Variants in NLGN1 observed in about 807,000 individuals in gnomAD.
NLGN1 encodes the protein neuroligin 1.
NLGN1 carries 12 observed loss-of-function variants against 65.5 expected under a neutral mutation model. The observed-to-expected ratio is 0.18, with a 90% CI of 0.12 to 0.30. The LOEUF (loss-of-function observed/expected upper bound fraction) is 0.30, where lower values mean the gene tolerates loss of function less well. NLGN1 is among the 10% of genes least tolerant of loss of function. The probability of loss-of-function intolerance (pLI) is 1.00; values close to 1 mark genes in which losing one functional copy is unlikely to be tolerated. For missense variants in NLGN1, 750 were observed against 1,007.1 expected (o/e 0.74, Z 3.46); for synonymous variants, 350 against 359.5 (o/e 0.97, Z 0.30).
At chr3:173,822,387 A>G (rs1720496902) in intron 4 of NLGN1, among the ~76,000 whole-genome samples, 1 of 152,130 alleles carries the variant, frequency 6.6e-6, no homozygotes, top group South Asian at 2.1e-4. Flanking sequence ...GTATGTGGGT[A>G]TTCCATAGGT....
intron 2 of NLGN1, among the ~76,000 whole-genome samples, chr3:173,526,212 A>C (rs1735615426): frequency 6.6e-6 from 1 of 151,998 alleles, no homozygotes; most frequent in Non-Finnish European, 1.5e-5. Flanking sequence ...CTGTTTTCTT[A>C]GGTCTAGTAG....
At chr3:173,414,163 A>G (rs1002864786) in intron 1 of NLGN1, among the ~76,000 whole-genome samples, 1 of 152,194 alleles carries the variant, frequency 6.6e-6, no homozygotes, top group African/African-American at 2.4e-5. Flanking sequence ...TCATCCTCAC[A>G]TCTTGTTATT....
chr3:173,419,414 G>C (rs1714548942), intron 1 of NLGN1, among the ~76,000 whole-genome samples: 2 of 152,008 alleles, frequency 1.3e-5, no homozygotes, highest in African/African-American at 4.8e-5. Context: ...CAGCTAGCAT[G>C]TCTCTGGTTG....
intron 4 of NLGN1, among the ~76,000 whole-genome samples, chr3:174,009,385 C>A (rs1725063963): frequency 6.6e-6 from 1 of 152,148 alleles, no homozygotes; most frequent in African/African-American, 2.4e-5. Context: ...AAATATCTAA[C>A]AGCAATTGAG....
intron 4 of NLGN1, among the ~76,000 whole-genome samples, chr3:173,839,431 T>TG (rs1724336660): frequency 1.5e-5 from 2 of 131,978 alleles, no homozygotes; most frequent in African/African-American, 6.6e-5. Context: ...TGTTTTTTTG[T>TG]TTTTTTTTTT....
intron 4 of NLGN1, among the ~76,000 whole-genome samples, chr3:174,206,206 G>A (rs2152782506): frequency 6.6e-6 from 1 of 152,266 alleles, no homozygotes; most frequent in East Asian, 1.9e-4. Flanking sequence ...AATAATCACA[G>A]ATAATCTTCT....
chr3:173,956,718 A>G (rs1173713366), intron 4 of NLGN1, among the ~76,000 whole-genome samples: 4 of 152,156 alleles, frequency 2.6e-5, no homozygotes, highest in Admixed American at 6.6e-5. Context: ...AAGAGTTGTC[A>G]GTGTAAACGT....
chr3:174,092,021 T>C (rs115646893), intron 4 of NLGN1, among the ~76,000 whole-genome samples: 3,246 of 152,284 alleles, frequency 0.021, 50 homozygotes, highest in Non-Finnish European at 0.028. Flanking sequence ...CATATAAAGA[T>C]AAATATGTCC....
chr3:173,666,296 C>T (rs193108394), intron 3 of NLGN1, among the ~76,000 whole-genome samples: 130 of 152,182 alleles, frequency 8.5e-4, no homozygotes, highest in Middle Eastern at 3.4e-3. Context: ...TAAGTATCCT[C>T]CTTTAGAAAA....
chr3:173,660,123 C>T (rs1372942391), intron 3 of NLGN1, among the ~76,000 whole-genome samples: 3 of 151,710 alleles, frequency 2.0e-5, no homozygotes, highest in African/African-American at 4.8e-5. Flanking sequence ...GTAGAGACAG[C>T]GGAGGCAGGT....
intron 2 of NLGN1, among the ~76,000 whole-genome samples, chr3:173,523,007 A>G (rs969616964): frequency 6.6e-6 from 1 of 151,156 alleles, no homozygotes; most frequent in East Asian, 1.9e-4. Context: ...TTTAATTTGC[A>G]TTTCTCTAAT....
intron 2 of NLGN1, among the ~76,000 whole-genome samples, chr3:173,472,993 A>G (rs575875486): frequency 6.6e-6 from 1 of 152,298 alleles, no homozygotes; most frequent in Admixed American, 6.5e-5. Flanking sequence ...AGAGATTCAT[A>G]TTTATTTCAC....
At position 173,876,675 on chromosome 3, in the gene NLGN1, A is replaced by C. The variant is rs1260398429; in HGVS notation, c.646+68843A>C. Reference sequence around the variant, plus strand: ...CTAAAAGAGAAAAATGGGGCATTTCAAAAAGGCTTAGACACTAATGGGAAA... The same window carrying C: ...CTAAAAGAGAAAAATGGGGCATTTCCAAAAGGCTTAGACACTAATGGGAAA... On this transcript the variant is annotated intron_variant, in intron 4 of 6. Transcript: ENST00000457714. Among the ~76,000 whole-genome samples, 4 of 152,180 alleles carry C rather than the reference A, an allele frequency of 2.6e-5. No individual in the cohort carries two copies. In the East Asian group the frequency reaches 7.7e-4, roughly 29 times the overall value.
At chr3:173,856,201 C>T (rs13100306) in intron 4 of NLGN1, among the ~76,000 whole-genome samples, 85,551 of 151,896 alleles carry the variant, frequency 0.56, 25,930 homozygotes, top group Non-Finnish European at 0.7. Flanking sequence ...GACTTCACCT[C>T]TAGGGACTGT....
At chr3:174,046,574 A>C (rs553970828) in intron 4 of NLGN1, among the ~76,000 whole-genome samples, 19 of 152,254 alleles carry the variant, frequency 1.2e-4, no homozygotes, top group African/African-American at 3.8e-4. Context: ...TAGGTTCAAC[A>C]AACACATGCT....
At chr3:173,457,710 T>C (rs1038979194) in intron 2 of NLGN1, among the ~76,000 whole-genome samples, 13 of 152,066 alleles carry the variant, frequency 8.5e-5, no homozygotes, top group African/African-American at 3.1e-4. Flanking sequence ...TGGCCTAAAG[T>C]TGAGATTCAG....
chr3:173,619,559 G>C (rs1686182176), intron 3 of NLGN1, among the ~76,000 whole-genome samples: 1 of 152,076 alleles, frequency 6.6e-6, no homozygotes, highest in South Asian at 2.1e-4. Flanking sequence ...TGTTTTAATG[G>C]CTTTATATAT....
At chr3:173,895,901 G>A (rs1354777880) in intron 4 of NLGN1, among the ~76,000 whole-genome samples, 2 of 152,052 alleles carry the variant, frequency 1.3e-5, no homozygotes, top group African/African-American at 4.8e-5. Context: ...TGTTGGTCAG[G>A]CTGGTCTCGA....
At chr3:174,213,600 A>C (rs1737084526) in intron 4 of NLGN1, among the ~76,000 whole-genome samples, 3 of 152,186 alleles carry the variant, frequency 2.0e-5, no homozygotes, top group Admixed American at 2.0e-4. Flanking sequence ...CTACTAGTTA[A>C]AATGTAGCAT....
Sources: gnomAD v4.1 joint callset for allele counts (sites outside exome capture counted in the v4.1 genomes callset) on GRCh38, gnomAD v4.1.1 for gene constraint, MANE v1.5 for transcripts, NCBI Gene and HGNC (gene_info 2026-07-23, HGNC 2026-07-21) for gene names.